The following GHR variants were observed in gnomAD, a reference collection of about 807,000 sequenced individuals.
GHR encodes GH receptor.
A neutral mutation model predicts 67.1 loss-of-function variants in GHR; 35 were observed. The ratio of observed to expected loss-of-function variants is 0.52; its 90% confidence interval spans 0.40 to 0.69. The LOEUF is 0.69. GHR is among the 30% of genes least tolerant of loss of function. GHR has a pLI of 0.00. For synonymous variants in GHR, 272 were observed against 269.1 expected, an observed-to-expected ratio of 1.01 and a Z score of -0.10; for missense variants, 792 against 764.6, an observed-to-expected ratio of 1.04 and a Z score of -0.42.
chr5:42,542,650 T>C (rs1313462576), intron 1 of GHR, among the ~76,000 whole-genome samples: 1 of 152,154 alleles, frequency 6.6e-6, no homozygotes, highest in Admixed American at 6.5e-5. Flanking sequence ...TCTATTCCAA[T>C]CATTTTTGGG....
chr5:42,541,155 G>C (rs753579160), intron 1 of GHR, among the ~76,000 whole-genome samples: 2 of 151,938 alleles, frequency 1.3e-5, no homozygotes, highest in African/African-American at 4.8e-5. Flanking sequence ...CAACCAAATC[G>C]TCTCTGAGCT....
chr5:42,536,600 A>T (rs1748267376), intron 1 of GHR, among the ~76,000 whole-genome samples: 1 of 152,104 alleles, frequency 6.6e-6, no homozygotes, highest in South Asian at 2.1e-4. Context: ...ATCTATGTTT[A>T]TCAAGGATAT....
intron 2 of GHR, among the ~76,000 whole-genome samples, chr5:42,572,325 C>T (rs777268370): frequency 6.6e-6 from 1 of 152,070 alleles, no homozygotes; most frequent in African/African-American, 2.4e-5. Context: ...AAGGGTGCAC[C>T]TTCGTCTTTT....
chr5:42,466,001 CCTT>C (rs1337053953), intron 1 of GHR: 7 of 593,024 alleles, frequency 1.2e-5, no homozygotes, highest in Admixed American at 5.4e-5. Flanking sequence ...TTGTCTTATT[CCTT>C]CTTCTTTTTG....
chr5:42,426,017 C>T (rs1742838094), intron 1 of GHR, among the ~76,000 whole-genome samples: 2 of 151,974 alleles, frequency 1.3e-5, no homozygotes, highest in African/African-American at 4.8e-5. Flanking sequence ...GGCTTTGGGC[C>T]CATGTTTTTT....
chr5:42,676,629 A>G (rs998799115), intron 3 of GHR, among the ~76,000 whole-genome samples: 3 of 152,164 alleles, frequency 2.0e-5, no homozygotes, highest in Non-Finnish European at 4.4e-5. Flanking sequence ...GGCCTCTTTG[A>G]CAATGCATTA....
intron 1 of GHR, among the ~76,000 whole-genome samples, chr5:42,439,379 C>G (rs976835251): frequency 4.6e-5 from 7 of 152,170 alleles, no homozygotes; most frequent in Admixed American, 3.9e-4. Flanking sequence ...TGAATTTTAA[C>G]CTCTTCCCTA....
chr5:42,637,170 A>C (rs1381922685), intron 3 of GHR, among the ~76,000 whole-genome samples: 1 of 152,130 alleles, frequency 6.6e-6, no homozygotes, highest in Admixed American at 6.5e-5. Context: ...GATTGTGTTT[A>C]CTTTAGGGCT....
chr5:42,597,206 G>A (rs1289926830), intron 2 of GHR, among the ~76,000 whole-genome samples: 8 of 152,080 alleles, frequency 5.3e-5, no homozygotes, highest in Non-Finnish European at 8.8e-5. Context: ...TGGAAGCGAG[G>A]CACAGTAGCC....
chr5:42,504,577 G>C (rs1037403821), intron 1 of GHR, among the ~76,000 whole-genome samples: 7 of 152,050 alleles, frequency 4.6e-5, no homozygotes, highest in Non-Finnish European at 1.0e-4. Context: ...TGGCCAACAT[G>C]ATGAAACCCC....
chr5:42,465,725 C>G, intron 1 of GHR: 1 of 916,490 alleles, frequency 1.1e-6, no homozygotes, highest in Non-Finnish European at 1.8e-6. Context: ...ATCACTTCCA[C>G]TATACCTATC....
At chr5:42,444,765 T>G (rs1428275921) in intron 1 of GHR, among the ~76,000 whole-genome samples, 1 of 152,240 alleles carries the variant, frequency 6.6e-6, no homozygotes, top group East Asian at 1.9e-4. Flanking sequence ...TTTCATTCTC[T>G]CATTCTTCTT....
chr5:42,505,813 T>G (rs1291771773), intron 1 of GHR, among the ~76,000 whole-genome samples: 1 of 152,216 alleles, frequency 6.6e-6, no homozygotes, highest in Non-Finnish European at 1.5e-5. Flanking sequence ...TATTATTATT[T>G]ATTGGACATA....
rs6861356 is a variant in GHR at position 42,458,246 on chromosome 5, T to G, written c.-12+34291T>G. ...TTCAAATCATACTACAAGGCTACAG[T>G]AACCAAAACAGCATGTCACTGGCAC... On this transcript the variant is annotated intron_variant, in intron 1 of 9. Transcript: ENST00000230882. Among the ~76,000 whole-genome samples, 606 of 152,244 alleles carry G rather than the reference T, an allele frequency of 4.0e-3. 6 individuals carry two copies. Among genetic ancestry groups the G allele is most frequent in the Non-Finnish European group, 5.7e-3 (390 of 68,006 alleles).
At chr5:42,564,939 A>G (rs1196657096) in intron 1 of GHR, among the ~76,000 whole-genome samples, 2 of 152,248 alleles carry the variant, frequency 1.3e-5, no homozygotes, top group Non-Finnish European at 2.9e-5. Context: ...CAGCTCTACA[A>G]AAGGCAATAC....
intron 1 of GHR, among the ~76,000 whole-genome samples, chr5:42,462,199 T>G (rs1325156064): frequency 1.3e-5 from 2 of 152,246 alleles, no homozygotes; most frequent in Non-Finnish European, 2.9e-5. Context: ...TGTTGAGGAT[T>G]TATTTGAAAT....
At chr5:42,563,278 G>C (rs1490855865) in intron 1 of GHR, among the ~76,000 whole-genome samples, 1 of 152,178 alleles carries the variant, frequency 6.6e-6, no homozygotes, top group East Asian at 1.9e-4. Context: ...GAGATAACAA[G>C]TAAAATTAAC....
chr5:42,597,644 G>T (rs1041182705), intron 2 of GHR, among the ~76,000 whole-genome samples: 2 of 152,182 alleles, frequency 1.3e-5, no homozygotes, highest in African/African-American at 4.8e-5. Flanking sequence ...TGAATGGCTT[G>T]CTTACATTCA....
At chr5:42,637,964 G>T (rs1754283969) in intron 3 of GHR, among the ~76,000 whole-genome samples, 1 of 152,150 alleles carries the variant, frequency 6.6e-6, no homozygotes, top group African/African-American at 2.4e-5. Flanking sequence ...GTTTGAGACG[G>T]AGTCTCGCTT....
Sources: gnomAD v4.1 joint callset for allele counts (sites outside exome capture counted in the v4.1 genomes callset) on GRCh38, gnomAD v4.1.1 for gene constraint, MANE v1.5 for transcripts, NCBI Gene and HGNC (gene_info 2026-07-23, HGNC 2026-07-21) for gene names.